Variants in USH2A observed in about 807,000 individuals in gnomAD.
The protein encoded by USH2A is Usher syndrome 2A (autosomal recessive, mild).
In USH2A, 443 loss-of-function variants were observed where a neutral mutation model predicts 538.9. That is an observed-to-expected ratio of 0.82 (90% CI 0.76 to 0.89). The LOEUF is 0.89. Ranked by LOEUF, USH2A falls within the 40% of genes least tolerant of loss-of-function variation. The pLI is 0.00. For missense variants in USH2A, 6,633 were observed against 6,324.8 expected (o/e 1.05, Z -1.65); for synonymous variants, 2,413 against 2,273.5 (o/e 1.06, Z -1.75).
intron 55 of USH2A, among the ~76,000 whole-genome samples, chr1:215,776,952 G>GTAGA (rs1661484550): frequency 6.6e-6 from 1 of 152,146 alleles, no homozygotes; most frequent in Non-Finnish European, 1.5e-5. Context: ...TTTGCTGAAT[G>GTAGA]AGGACTTATT....
At chr1:216,236,706 A>G (rs1264551727) in intron 13 of USH2A, among the ~76,000 whole-genome samples, 1 of 152,134 alleles carries the variant, frequency 6.6e-6, no homozygotes, top group Non-Finnish European at 1.5e-5. Flanking sequence ...AGAGGAGTGT[A>G]TATGGATCAG....
At chr1:216,124,671 A>T (rs966211352) in intron 21 of USH2A, among the ~76,000 whole-genome samples, 1 of 152,176 alleles carries the variant, frequency 6.6e-6, no homozygotes, top group Non-Finnish European at 1.5e-5. Context: ...ATTCAGCAAC[A>T]AATCTGCCAA....
intron 37 of USH2A, among the ~76,000 whole-genome samples, chr1:215,941,826 C>A (rs1209193222): frequency 2.0e-5 from 3 of 152,086 alleles, no homozygotes; most frequent in Non-Finnish European, 4.4e-5. Flanking sequence ...AGAGCAACGA[C>A]TTGGGGGTCT....
intron 26 of USH2A, among the ~76,000 whole-genome samples, chr1:216,082,288 T>TAGACATTACATTTCAGCAAAGATTCAC: frequency 6.6e-6 from 1 of 152,112 alleles, no homozygotes; most frequent in Admixed American, 6.6e-5. Flanking sequence ...CGAAGATTCA[T>TAGACATTACATTTCAGCAAAGATTCAC]AGACATTACA....
intron 47 of USH2A, among the ~76,000 whole-genome samples, chr1:215,834,232 T>C (rs753360510): frequency 1.3e-5 from 2 of 152,092 alleles, no homozygotes; most frequent in Non-Finnish European, 2.9e-5. Context: ...CACAAAAACC[T>C]GTATATAGAT....
chr1:215,634,733 T>A, intron 69 of USH2A, 30 bp from the exon 70 acceptor site: 2 of 1,614,184 alleles, frequency 1.2e-6, no homozygotes, highest in South Asian at 2.2e-5. Context: ...AAAGGGGAAA[T>A]GTTATTTCAG....
intron 3 of USH2A, among the ~76,000 whole-genome samples, chr1:216,375,418 T>C (rs1158303703): frequency 6.6e-6 from 1 of 152,232 alleles, no homozygotes; most frequent in Non-Finnish European, 1.5e-5. Flanking sequence ...TTTTATGTTA[T>C]GGAAACTACT....
intron 4 of USH2A, among the ~76,000 whole-genome samples, chr1:216,347,144 T>C (rs1325497523): frequency 6.6e-6 from 1 of 152,104 alleles, no homozygotes; most frequent in Non-Finnish European, 1.5e-5. Flanking sequence ...TTACCTACTT[T>C]GGAGACTTTA....
chr1:216,373,481 A>G (rs958575410), intron 3 of USH2A, among the ~76,000 whole-genome samples: 1 of 152,172 alleles, frequency 6.6e-6, no homozygotes, highest in African/African-American at 2.4e-5. Flanking sequence ...ACTTTAAAAA[A>G]TAACTATCTC....
chr1:216,216,690 T>G (rs369792300), intron 15 of USH2A, among the ~76,000 whole-genome samples: 1 of 152,130 alleles, frequency 6.6e-6, no homozygotes, highest in African/African-American at 2.4e-5. Flanking sequence ...TATGAAATTG[T>G]AGAACTGCAG....
chr1:216,308,248 C>A (rs956160886), intron 9 of USH2A, among the ~76,000 whole-genome samples: 5 of 152,160 alleles, frequency 3.3e-5, no homozygotes, highest in African/African-American at 1.2e-4. Flanking sequence ...TCCTTCATAT[C>A]CACTACTGTA....
At chr1:216,063,726 A>G (rs1420413010) in intron 30 of USH2A, among the ~76,000 whole-genome samples, 1 of 152,202 alleles carries the variant, frequency 6.6e-6, no homozygotes, top group Admixed American at 6.5e-5. Context: ...AAAACTGCAG[A>G]GATATATAGA....
intron 21 of USH2A, among the ~76,000 whole-genome samples, chr1:216,125,531 A>G (rs549430759): frequency 1.3e-5 from 2 of 152,352 alleles, no homozygotes; most frequent in African/African-American, 4.8e-5. Flanking sequence ...TTAGTAGGCG[A>G]GCTTTAAACA....
At chr1:215,830,716 A>G (rs1199992413) in intron 47 of USH2A, among the ~76,000 whole-genome samples, 2 of 152,210 alleles carry the variant, frequency 1.3e-5, no homozygotes, top group African/African-American at 2.4e-5. Context: ...TGCATAGCCT[A>G]TGCAAGCAGC....
At chr1:215,690,332 G>C (rs1245319513) in intron 61 of USH2A, among the ~76,000 whole-genome samples, 1 of 152,106 alleles carries the variant, frequency 6.6e-6, no homozygotes. Flanking sequence ...GAATGGGCAT[G>C]GTGGCAACTC....
At chr1:216,236,842 G>C (rs1305133441) in intron 13 of USH2A, among the ~76,000 whole-genome samples, 3 of 152,030 alleles carry the variant, frequency 2.0e-5, no homozygotes, top group South Asian at 2.1e-4. Context: ...GCTCATGTAA[G>C]GGAAAACATT....
chr1:215,896,053 A>G (rs1665332021), intron 40 of USH2A, among the ~76,000 whole-genome samples: 1 of 152,190 alleles, frequency 6.6e-6, no homozygotes, highest in African/African-American at 2.4e-5. Flanking sequence ...CATCAACTGA[A>G]ATGTTGTGCA....
intron 4 of USH2A, among the ~76,000 whole-genome samples, chr1:216,344,134 T>C (rs1278386763): frequency 6.6e-6 from 1 of 152,094 alleles, no homozygotes; most frequent in Non-Finnish European, 1.5e-5. Context: ...GTGCATTGCT[T>C]GGCAAGTAAC....
intron 32 of USH2A, among the ~76,000 whole-genome samples, chr1:216,036,532 A>G (rs1258456749): frequency 1.3e-5 from 2 of 152,126 alleles, no homozygotes; most frequent in African/African-American, 4.8e-5. Context: ...TTATCTTTCC[A>G]AATTAAATAT....
Sources: gnomAD v4.1 joint callset for allele counts (sites outside exome capture counted in the v4.1 genomes callset) on GRCh38, gnomAD v4.1.1 for gene constraint, MANE v1.5 for transcripts, NCBI Gene and HGNC (gene_info 2026-07-23, HGNC 2026-07-21) for gene names.